Variants in RGS6 observed in about 807,000 individuals in gnomAD.
RGS6 encodes regulator of G-protein signaling 6.
Under a neutral mutation model 78.5 loss-of-function variants are expected in RGS6, and 30 were observed. The observed-to-expected ratio is 0.38, with a 90% CI of 0.29 to 0.52. The LOEUF (loss-of-function observed/expected upper bound fraction) is 0.52, where lower values mean the gene tolerates loss of function less well. RGS6 is among the 20% of genes least tolerant of loss of function. The pLI, the probability that RGS6 is intolerant of heterozygous loss-of-function variation, is 0.85. For missense variants in RGS6, 495 were observed against 609.7 expected, an observed-to-expected ratio of 0.81 and a Z score of 1.98; for synonymous variants, 206 against 206.0, an observed-to-expected ratio of 1.00 and a Z score of 0.00.
intron 14 of RGS6, 132 bp downstream of exon 14, chr14:72,510,411 G>A: frequency 8.7e-7 from 1 of 1,146,866 alleles, no homozygotes; most frequent in Admixed American, 2.0e-5. Context: ...ATCTGGCTGA[G>A]GTTGAAATGG....
intron 15 of RGS6, among the ~76,000 whole-genome samples, chr14:72,530,678 G>A (rs550096510): frequency 5.9e-5 from 9 of 152,174 alleles, no homozygotes; most frequent in Admixed American, 2.0e-4. Flanking sequence ...GCAACAGAGC[G>A]AAGACTCCAT....
At chr14:72,299,163 A>G (rs560944461) in intron 2 of RGS6, among the ~76,000 whole-genome samples, 11 of 152,310 alleles carry the variant, frequency 7.2e-5, no homozygotes, top group African/African-American at 2.6e-4. Context: ...AACACAGTTT[A>G]CCATTTGATG....
At chr14:72,026,064 G>A (rs1459281015) in intron 2 of RGS6, among the ~76,000 whole-genome samples, 1 of 152,190 alleles carries the variant, frequency 6.6e-6, no homozygotes, top group African/African-American at 2.4e-5. Flanking sequence ...CTCAAACTTA[G>A]GAGAAACCTA....
chr14:72,126,382 A>G (rs142257225), intron 2 of RGS6, among the ~76,000 whole-genome samples: 1,637 of 152,338 alleles, frequency 0.011, 23 homozygotes, highest in African/African-American at 0.037. Context: ...GCAGCTCTGC[A>G]GGAACCTCTC....
chr14:72,012,726 G>T (rs982546259), intron 2 of RGS6, among the ~76,000 whole-genome samples: 1 of 152,136 alleles, frequency 6.6e-6, no homozygotes, highest in Non-Finnish European at 1.5e-5. Context: ...TAATGGTGAA[G>T]AACTCAGGAC....
At chr14:72,016,707 A>G (rs566818373) in intron 2 of RGS6, among the ~76,000 whole-genome samples, 6 of 152,202 alleles carry the variant, frequency 3.9e-5, no homozygotes, top group African/African-American at 1.4e-4. Context: ...GCTCTACCCT[A>G]TTTTAATTAC....
chr14:72,620,858 T>C, the RGS6 span, among the ~76,000 whole-genome samples: 1 of 152,222 alleles, frequency 6.6e-6, no homozygotes, highest in Admixed American at 6.5e-5. Context: ...TTTGTTTTCT[T>C]GGCTGGGCGC....
intron 2 of RGS6, among the ~76,000 whole-genome samples, chr14:72,102,284 G>A (rs1054411534): frequency 2.0e-5 from 3 of 151,902 alleles, no homozygotes; most frequent in Admixed American, 6.6e-5. Flanking sequence ...TTTTTTTCTC[G>A]CTTTTATCTT....
intron 2 of RGS6, among the ~76,000 whole-genome samples, chr14:72,019,212 T>G (rs1189400901): frequency 3.3e-5 from 5 of 152,192 alleles, no homozygotes; most frequent in Non-Finnish European, 7.3e-5. Flanking sequence ...ACCCCTCTGT[T>G]TTATTGGCTG....
chr14:71,884,919 C>T, the RGS6 span, among the ~76,000 whole-genome samples: 1 of 152,158 alleles, frequency 6.6e-6, no homozygotes, highest in African/African-American at 2.4e-5. Context: ...GGCACCTGAG[C>T]ACCTCCTTAA....
chr14:72,383,179 T>TATATATATATAC (rs1296702057), intron 3 of RGS6, among the ~76,000 whole-genome samples: 3 of 70,566 alleles, frequency 4.3e-5, no homozygotes, highest in African/African-American at 2.3e-4. Flanking sequence ...AAATTGTACA[T>TATATATATATAC]ATATATATAT....
intron 10 of RGS6, among the ~76,000 whole-genome samples, chr14:72,474,987 C>G (rs529868049): frequency 2.5e-4 from 37 of 150,296 alleles, no homozygotes; most frequent in Admixed American, 4.0e-4. Flanking sequence ...AGTTGAGGAG[C>G]CCAGGAGGGG....
intron 2 of RGS6, among the ~76,000 whole-genome samples, chr14:71,987,637 C>G (rs2094773947): frequency 6.6e-6 from 1 of 152,112 alleles, no homozygotes; most frequent in Non-Finnish European, 1.5e-5. Context: ...CCTCCCGTCT[C>G]AGCCTTCCCA....
Position 72,376,914 on chromosome 14 carries a change from A to G in RGS6, c.184+24720A>G, listed in dbSNP as rs530116438. On this transcript the variant is annotated intron_variant, in intron 3 of 17. Transcript: ENST00000553525. Reference sequence around the variant, plus strand: ...ACTATAAAACTTATTGATGGAGCCAATACACAAAGGAGAAAGAAAAAGAAT... The same window carrying G: ...ACTATAAAACTTATTGATGGAGCCAGTACACAAAGGAGAAAGAAAAAGAAT... Among the ~76,000 whole-genome samples the G allele has an allele frequency of 9.7e-4, 147 of 152,290 alleles. 8 individuals carry two copies. Among genetic ancestry groups the G allele is most frequent in the South Asian group, 4.4e-3 (21 of 4,824 alleles).
chr14:71,993,405 T>A (rs566701363), intron 2 of RGS6, among the ~76,000 whole-genome samples: 11 of 152,336 alleles, frequency 7.2e-5, no homozygotes. Flanking sequence ...CATACTTTTA[T>A]AATAATAGTA....
At chr14:72,020,647 C>T (rs183413503) in intron 2 of RGS6, among the ~76,000 whole-genome samples, 36 of 152,334 alleles carry the variant, frequency 2.4e-4, no homozygotes, top group Non-Finnish European at 4.4e-4. Flanking sequence ...CCAATAAGCA[C>T]GAATACTTAC....
intron 2 of RGS6, among the ~76,000 whole-genome samples, chr14:72,156,969 G>T (rs2096781849): frequency 6.6e-6 from 1 of 152,150 alleles, no homozygotes. Context: ...AGGAGGTCTG[G>T]ATGGGGAGGC....
chr14:72,265,382 C>T lies in RGS6; in HGVS notation c.85-86713C>T, dbSNP rs550025602. On this transcript the variant is annotated intron_variant, in intron 2 of 17. Transcript: ENST00000553525. The stretch of plus-strand genomic sequence containing the variant: ...GGGAAATCCTGCCACCTGGCTCAGA[C>T]ACAGGCCTGGGGGTTAAATGGAGCA... Among the ~76,000 whole-genome samples, 4 of 152,244 alleles carry T rather than the reference C, an allele frequency of 2.6e-5. No homozygotes were observed. The East Asian group carries it at 7.8e-4, about 30-fold the overall frequency.
chr14:72,595,338 T>C, the RGS6 span, among the ~76,000 whole-genome samples: 1 of 152,194 alleles, frequency 6.6e-6, no homozygotes, highest in Non-Finnish European at 1.5e-5. Flanking sequence ...GGTTTAATCA[T>C]GAACGTGAAT....
Sources: gnomAD v4.1 joint callset for allele counts (sites outside exome capture counted in the v4.1 genomes callset) on GRCh38, gnomAD v4.1.1 for gene constraint, MANE v1.5 for transcripts, NCBI Gene and HGNC (gene_info 2026-07-23, HGNC 2026-07-21) for gene names.